The following IL1RAPL1 variants were observed in gnomAD, a reference collection of about 807,000 sequenced individuals.
IL1RAPL1 encodes the protein interleukin-1 receptor accessory protein-like 1.
A neutral mutation model predicts 48.4 loss-of-function variants in IL1RAPL1; 3 were observed. That is an observed-to-expected ratio of 0.06 (90% CI 0.03 to 0.16). The LOEUF is 0.16. IL1RAPL1 is among the 10% of genes least tolerant of loss of function. The pLI is 1.00. For synonymous variants in IL1RAPL1, 185 were observed against 187.7 expected (o/e 0.99, Z 0.12); for missense variants, 349 against 530.6 (o/e 0.66, Z 3.36).
At chrX:28,865,728 A>G (rs1324265485) in intron 2 of IL1RAPL1, among the ~76,000 whole-genome samples, 1 of 112,252 alleles carries the variant, frequency 8.9e-6, no homozygotes, top group Non-Finnish European at 1.9e-5. Context: ...GAACCTTCAC[A>G]GAAGACCAAG....
chrX:29,026,061 GT>G (rs1428090482), intron 2 of IL1RAPL1, among the ~76,000 whole-genome samples: 1 of 111,859 alleles, frequency 8.9e-6, no homozygotes, highest in Non-Finnish European at 1.9e-5. Flanking sequence ...CTAATTTTTA[GT>G]TTTTGCCTTT....
At chrX:29,032,043 G>A (rs58474954) in intron 2 of IL1RAPL1, among the ~76,000 whole-genome samples, 6,140 of 111,507 alleles carry the variant, frequency 0.055, 197 homozygotes, top group African/African-American at 0.11. Context: ...ATGTCTATCT[G>A]TCATGCTTAG....
chrX:28,609,634 C>CACACAT (rs1458633826), intron 1 of IL1RAPL1, among the ~76,000 whole-genome samples: 1 of 102,013 alleles, frequency 9.8e-6, no homozygotes, highest in African/African-American at 3.9e-5. Flanking sequence ...TTCTTACACA[C>CACACAT]ACACACACAC....
rs1931966413 is a variant in IL1RAPL1 at position 29,878,942 on chromosome X, T to C, written c.779-38522T>C. On this transcript the variant is annotated intron_variant, in intron 6 of 10. Transcript: ENST00000378993. The stretch of plus-strand genomic sequence containing the variant: ...GAAAATCTATGCTCACACAAAAACC[T>C]GCACATGAATGTTTATAGCAGCCTT... Among the ~76,000 whole-genome samples, 3 of 111,789 alleles carry C rather than the reference T, an allele frequency of 2.7e-5. No individual in the cohort carries two copies. The South Asian group carries it at 1.1e-3, about 41-fold the overall frequency.
intron 3 of IL1RAPL1, among the ~76,000 whole-genome samples, chrX:29,332,130 T>C (rs1322103525): frequency 1.3e-5 from 1 of 76,911 alleles, no homozygotes; most frequent in Non-Finnish European, 2.5e-5. Context: ...TTAGATTCTA[T>C]ATCAATTTTT....
intron 2 of IL1RAPL1, among the ~76,000 whole-genome samples, chrX:29,176,178 C>T (rs1278012644): frequency 6.7e-5 from 7 of 103,856 alleles, no homozygotes; most frequent in Non-Finnish European, 1.4e-4. Flanking sequence ...ACTACAAGCT[C>T]CACCTCCCGG....
At chrX:28,885,030 T>C (rs928236001) in intron 2 of IL1RAPL1, among the ~76,000 whole-genome samples, 1 of 111,307 alleles carries the variant, frequency 9.0e-6, no homozygotes, top group Admixed American at 9.6e-5. Context: ...AATAAGATGT[T>C]ACAACTGGTA....
Position 28,756,517 on chromosome X carries a change from T to C in IL1RAPL1, c.-24-32803T>C, listed in dbSNP as rs751121975. 7.2e-4 allele frequency among the ~76,000 whole-genome samples: 80 copies of C among 111,809 alleles called. 1 individual carries two copies. The East Asian group carries it at 0.022, about 31-fold the overall frequency. The stretch of plus-strand genomic sequence containing the variant: ...ATCTCTCAGCAGGTGGTCAGCACGC[T>C]CACCATTTTGTCACCTCTCTTGTTA... On this transcript the variant is annotated intron_variant, in intron 1 of 10. Transcript: ENST00000378993.
intron 2 of IL1RAPL1, among the ~76,000 whole-genome samples, chrX:28,792,816 A>AATATATAT (rs1555924328): frequency 0.025 from 250 of 10,086 alleles, 8 homozygotes; most frequent in Non-Finnish European, 0.036. Flanking sequence ...AAAAAAAAAA[A>AATATATAT]ATATATATAT....
chrX:29,870,517 C>T (rs1265290032), intron 6 of IL1RAPL1, among the ~76,000 whole-genome samples: 1 of 112,025 alleles, frequency 8.9e-6, no homozygotes, highest in East Asian at 2.8e-4. Context: ...TCATAATTCC[C>T]TGTAGCCAGA....
At chrX:29,859,346 T>C (rs1931533297) in intron 6 of IL1RAPL1, among the ~76,000 whole-genome samples, 1 of 112,077 alleles carries the variant, frequency 8.9e-6, no homozygotes, top group African/African-American at 3.2e-5. Context: ...TTACCTCTGA[T>C]GGCTCTCCAT....
chrX:29,338,695 C>G (rs1002065312), intron 3 of IL1RAPL1, among the ~76,000 whole-genome samples: 3 of 111,167 alleles, frequency 2.7e-5, no homozygotes, highest in African/African-American at 9.8e-5. Flanking sequence ...GTCACTCTCC[C>G]TCATCCCCTT....
At chrX:29,104,465 A>G (rs1301454749) in intron 2 of IL1RAPL1, among the ~76,000 whole-genome samples, 1 of 111,294 alleles carries the variant, frequency 9.0e-6, no homozygotes, top group Non-Finnish European at 1.9e-5. Flanking sequence ...GATGGTTACC[A>G]GATATGAGAA....
chrX:29,226,739 G>A (rs980477215), intron 2 of IL1RAPL1, among the ~76,000 whole-genome samples: 1 of 95,251 alleles, frequency 1.0e-5, no homozygotes, highest in Non-Finnish European at 2.3e-5. Flanking sequence ...TGGCTGATTC[G>A]TCCATTTTTA....
At chrX:28,614,764 A>C (rs754548082) in intron 1 of IL1RAPL1, among the ~76,000 whole-genome samples, 1 of 112,329 alleles carries the variant, frequency 8.9e-6, no homozygotes, top group Non-Finnish European at 1.9e-5. Flanking sequence ...TTACATTTCA[A>C]TGCCAGTTGT....
intron 2 of IL1RAPL1, among the ~76,000 whole-genome samples, chrX:29,203,055 G>A (rs1569258670): frequency 1.8e-5 from 2 of 111,769 alleles, no homozygotes; most frequent in African/African-American, 6.5e-5. Context: ...TACAACAGGG[G>A]AGAAAGATTT....
intron 2 of IL1RAPL1, among the ~76,000 whole-genome samples, chrX:28,795,869 A>G (rs1303983604): frequency 9.0e-6 from 1 of 111,118 alleles, no homozygotes; most frequent in Non-Finnish European, 1.9e-5. Flanking sequence ...TAAGTTTGTT[A>G]GAGAAATGAT....
intron 6 of IL1RAPL1, among the ~76,000 whole-genome samples, chrX:29,913,393 T>TACACACAC (rs775944840): frequency 1.9e-5 from 2 of 105,921 alleles, no homozygotes; most frequent in African/African-American, 7.0e-5. Context: ...GACACAGTGA[T>TACACACAC]ACACACACAC....
At chrX:29,051,438 G>T (rs946829929) in intron 2 of IL1RAPL1, among the ~76,000 whole-genome samples, 1 of 112,111 alleles carries the variant, frequency 8.9e-6, no homozygotes, top group Non-Finnish European at 1.9e-5. Context: ...AGGCTAGAAT[G>T]CTTGGAAAAG....
Sources: allele counts gnomAD v4.1 joint callset (sites outside exome capture counted in the v4.1 genomes callset), GRCh38; gene constraint gnomAD v4.1.1; transcripts MANE v1.5; gene names NCBI Gene and HGNC (gene_info 2026-07-23, HGNC 2026-07-21).